The following PRADC1 variants were observed in gnomAD, a reference collection of about 807,000 sequenced individuals.
The protein encoded by PRADC1 is protease-associated domain-containing protein 1.
PRADC1 carries 23 observed loss-of-function variants against 22.9 expected under a neutral mutation model. The observed-to-expected ratio is 1.00, with a 90% confidence interval of 0.72 to 1.42. The LOEUF is 1.42. Among genes scored for constraint, PRADC1 ranks in the 40% most tolerant of loss-of-function variants. The probability of loss-of-function intolerance (pLI) is 0.00; values close to 1 mark genes in which losing one functional copy is unlikely to be tolerated. For synonymous variants in PRADC1, 71 were observed against 100.3 expected, an observed-to-expected ratio of 0.71 and a Z score of 1.75; for missense variants, 207 against 258.3, an observed-to-expected ratio of 0.80 and a Z score of 1.36.
chr2:73,230,983 C>G (rs1455070184), intron 1 of PRADC1, among the ~76,000 whole-genome samples: 1 of 152,234 alleles, frequency 6.6e-6, no homozygotes, highest in Non-Finnish European at 1.5e-5. Flanking sequence ...CCTAGTCATC[C>G]TTCAGGTCAC....
Position 73,232,288 on chromosome 2 carries a change from G to A in PRADC1, c.67+806C>T, listed in dbSNP as rs182149016. Among the ~76,000 whole-genome samples, 703 of 150,384 alleles carry A rather than the reference G, an allele frequency of 4.7e-3. 1 individual carries two copies. The highest frequency in any genetic ancestry group is 8.2e-3 in the Non-Finnish European group (553 of 67,826). On this transcript the variant is annotated intron_variant, in intron 1 of 4. Transcript: ENST00000258083. The stretch of plus-strand genomic sequence containing the variant: ...GGAGGCGGAGCTTGCAGTGAGCCGA[G>A]ATCGGGCCACTGCACTGCAACCTGG...
In PRADC1 at chr2:73,233,174, C is replaced by T. The variant is rs780941999; in HGVS notation, c.-14G>A. On this transcript the variant is annotated 5_prime_UTR_variant, in exon 1 of 5. Transcript: ENST00000258083. The stretch of plus-strand genomic sequence containing the variant: ...GCCGGGGACCATCTCCAGGGCCGGG[C>T]CCGGCCCGGCGCCGCGTTTCCTCTC... 4 of 1,367,742 alleles carry T rather than the reference C, an allele frequency of 2.9e-6. No homozygotes were observed. Among genetic ancestry groups the T allele is most frequent in the South Asian group, 1.7e-5 (1 of 60,450 alleles). The allele number at this position is 1,367,742 out of a possible 1,614,324, so 84.7% of individuals were successfully genotyped here.
intron 2 of PRADC1, 86 bp from the exon 3 acceptor site, chr2:73,229,656 C>T: frequency 1.0e-6 from 1 of 995,756 alleles, no homozygotes; most frequent in Non-Finnish European, 1.6e-6. Context: ...ATCTTATTGG[C>T]ACCTTATAAA....
rs1686563889 is a variant in PRADC1 at position 73,228,574 on chromosome 2, G to A, written c.447C>T (p.Gly149=). 1 of 1,613,942 alleles carries A rather than the reference G, an allele frequency of 6.2e-7. No homozygotes were observed. The highest frequency in any genetic ancestry group is 1.1e-5 in the South Asian group (1 of 91,096). ...GTTCCAGAGAGCGGCGGATCATGTA[G>A]CTGGGAGGGCATGAAGAGAGGTGGT... ...IPALFLLGRD[G]YMIRRSLEQH... is the part of the protein sequence containing the mutation. The change falls in exon 5 of 5, where the codon GGC becomes GGT. Residue 149 remains glycine (G), a splice_region_variant and synonymous_variant. Transcript: ENST00000258083. This position sits in a 1 kb window ranked among gnomAD's most constrained non-coding sequence, Gnocchi z 4.0.
Position 73,228,817 on chromosome 2 carries a change from G to C in PRADC1, c.424C>G (p.Leu142Val), listed in dbSNP as rs777663179. The C allele has an allele frequency of 1.2e-6, 2 of 1,612,644 alleles. No homozygotes were observed. The highest frequency in any genetic ancestry group is 3.3e-5 in the Admixed American group (2 of 59,920). The part of the protein sequence containing the change: ...STQRTADIPA[L>V]FLLGRDGYMI... The stretch of plus-strand genomic sequence containing the variant: ...CACCCGTCTCGGCCGAGCAGGAAGA[G>C]GGCGGGGATGTCAGCTGTGCGCTGG... The change falls in exon 4 of 5, where the codon CTC becomes GTC. Residue 142 changes from leucine to valine, a missense_variant. Transcript: ENST00000258083. This position sits in a 1 kb window ranked among gnomAD's most constrained non-coding sequence, Gnocchi z 4.0.
chr2:73,231,425 T>C (rs1217923460), intron 1 of PRADC1, among the ~76,000 whole-genome samples: 3 of 144,116 alleles, frequency 2.1e-5, no homozygotes, highest in African/African-American at 5.2e-5. Flanking sequence ...GGCCTCTTTT[T>C]CTTTTTTTTG....
chr2:73,233,024 C>A, intron 1 of PRADC1, 70 bp downstream of exon 1: 1 of 1,508,156 alleles, frequency 6.6e-7, no homozygotes, highest in South Asian at 1.2e-5. Context: ...CCTTGGCCCC[C>A]AACCCGAGAC....
chr2:73,228,428 AT>A lies in PRADC1; in HGVS notation c.*25del. On this transcript the variant is annotated 3_prime_UTR_variant, in exon 5 of 5. Transcript: ENST00000258083. This position sits in a 1 kb window ranked among gnomAD's most constrained non-coding sequence, Gnocchi z 4.0. The stretch of plus-strand genomic sequence containing the variant: ...TCCCCTTCCCAGCTCAGAGTCACTT[AT>A]GGCTGGAATGTGGGACAAACTCTTC... 1 of 1,612,952 alleles carries A rather than the reference AT, an allele frequency of 6.2e-7. No individual in the cohort carries two copies. The highest frequency in any genetic ancestry group is 8.5e-7 in the Non-Finnish European group (1 of 1,179,852).
At position 73,229,519 on chromosome 2, in the gene PRADC1, A is replaced by G. The variant is rs1371927444; in HGVS notation, c.220T>C (p.Cys74Arg). ...AAGAAACCGTTGCTGAGTTCCCCGC[A>G]GGCCTCTGGAGGTTCAGCGGGGACA... is the stretch of plus-strand genomic sequence containing the variant. ...HLVPAEPPEA[C>R]GELSNGFFIQ... The change falls in exon 3 of 5, where the codon TGC (cysteine) becomes CGC (arginine). Residue 74 changes from cysteine (C) to arginine (R), a missense_variant. Cys to Arg is a radical substitution (Grantham distance 180). Coordinates refer to ENST00000258083, the MANE Select transcript of PRADC1 (RefSeq NM_032319.3). 14 of 1,614,146 alleles carry G rather than the reference A, an allele frequency of 8.7e-6. No individual in the cohort carries two copies. Among genetic ancestry groups the G allele is most frequent in the Non-Finnish European group, 1.2e-5 (14 of 1,180,028 alleles).
At position 73,228,866 on chromosome 2, in the gene PRADC1, G is replaced by T; in HGVS notation, c.375C>A (p.Tyr125Ter). 6.2e-7 allele frequency: 1 copy of T among 1,613,456 alleles called. No individual in the cohort carries two copies. The highest frequency in any genetic ancestry group is 8.5e-7 in the Non-Finnish European group (1 of 1,179,938). The change falls in exon 4 of 5, where the codon TAC becomes TAA. Residue 125 changes from tyrosine (Y) to a stop codon, truncating the protein, a stop_gained. Coordinates refer to ENST00000258083, the MANE Select transcript of PRADC1 (RefSeq NM_032319.3). LOFTEE classifies it high-confidence loss of function. This position sits in a 1 kb window ranked among gnomAD's most constrained non-coding sequence, Gnocchi z 4.0. The stretch of plus-strand genomic sequence containing the variant: ...GGGTACTGTCCTGGATCATCTCCAC[G>T]TAGAAGCTGTCATTGTCAACTGCGT... Reference protein sequence around the residue: ...SDNAVDNDSFYVEMIQDSTQR... With the variant: ...SDNAVDNDSF
chr2:73,229,608 A>G (rs752131360), intron 2 of PRADC1, 38 bp from the exon 3 acceptor site: 112 of 1,490,472 alleles, frequency 7.5e-5, no homozygotes, highest in Non-Finnish European at 1.0e-4. Context: ...TGAGAGTGTA[A>G]TGAGACACAC....
chr2:73,230,763 A>T (rs1686621349), intron 1 of PRADC1, among the ~76,000 whole-genome samples: 1 of 152,346 alleles, frequency 6.6e-6, no homozygotes, highest in Non-Finnish European at 1.5e-5. Flanking sequence ...TGCATTTAAA[A>T]TTTAAACTCT....
chr2:73,229,755 C>G, intron 2 of PRADC1, 185 bp from the exon 3 acceptor site: 1 of 608,480 alleles, frequency 1.6e-6, no homozygotes, highest in Non-Finnish European at 2.9e-6. Flanking sequence ...GGTTGTCCTA[C>G]ACCACCCTAC....
Position 73,230,229 on chromosome 2 carries a change from T to C in PRADC1, c.68-16A>G. On this transcript the variant is annotated splice_polypyrimidine_tract_variant and intron_variant, in intron 1 of 4. Coordinates refer to ENST00000258083, the MANE Select transcript of PRADC1 (RefSeq NM_032319.3). Reference sequence around the variant, plus strand: ...ATACGGAAGCCTGAAGGATAAAGAGTACAGGTAAGAAGCCTCCCAGGAACA... The same window carrying C: ...ATACGGAAGCCTGAAGGATAAAGAGCACAGGTAAGAAGCCTCCCAGGAACA... 1 of 1,587,472 alleles carries C rather than the reference T, an allele frequency of 6.3e-7. No individual in the cohort carries two copies. The highest frequency in any genetic ancestry group is 8.6e-7 in the Non-Finnish European group (1 of 1,156,140).
At chr2:73,229,424 C>T (rs753281543) in intron 3 of PRADC1, 37 bp downstream of exon 3, 1 of 1,383,304 alleles carries the variant, frequency 7.2e-7, no homozygotes, top group South Asian at 1.2e-5. Context: ...TGCCGTATGC[C>T]TGCCCACTCC....
intron 1 of PRADC1, among the ~76,000 whole-genome samples, chr2:73,231,730 C>A (rs1174953988): frequency 1.3e-5 from 2 of 151,796 alleles, no homozygotes; most frequent in African/African-American, 4.8e-5. Context: ...CCTGGGATTA[C>A]AGGCGTGAGC....
chr2:73,229,712 A>G (rs1367942297), intron 2 of PRADC1, 142 bp from the exon 3 acceptor site: 4 of 669,528 alleles, frequency 6.0e-6, no homozygotes. Flanking sequence ...AGACACTTAA[A>G]CATTTTTACT....
chr2:73,229,257 A>T (rs577430245), intron 3 of PRADC1, among the ~76,000 whole-genome samples: 1 of 152,098 alleles, frequency 6.6e-6, no homozygotes, highest in Non-Finnish European at 1.5e-5. Context: ...AGCTGGGACC[A>T]CAGGTGTGCA....
intron 1 of PRADC1, among the ~76,000 whole-genome samples, chr2:73,231,548 C>G (rs1007272233): frequency 6.6e-6 from 1 of 152,224 alleles, no homozygotes; most frequent in Non-Finnish European, 1.5e-5. Flanking sequence ...TCCCAAATAG[C>G]TGGGACTACA....
Sources: gnomAD v4.1 joint callset for allele counts (sites outside exome capture counted in the v4.1 genomes callset) on GRCh38, gnomAD v4.1.1 for gene constraint, Gnocchi (gnomAD v3.1) non-coding constraint, MANE v1.5 for transcripts, NCBI Gene and HGNC (gene_info 2026-07-23, HGNC 2026-07-21) for gene names.